Variants in SHANK2 observed in about 807,000 individuals in gnomAD.
SHANK2 encodes the protein SH3 and multiple ankyrin repeat domains 2, also known as SH3 and multiple ankyrin repeat domains protein 2.
Under a neutral mutation model 133.7 loss-of-function variants are expected in SHANK2, and 43 were observed. The ratio of observed to expected loss-of-function variants is 0.32; its 90% CI spans 0.25 to 0.41. The LOEUF (loss-of-function observed/expected upper bound fraction) is 0.41, where lower values mean the gene tolerates loss of function less well. Among genes scored for constraint, SHANK2 ranks in the 10% least tolerant of loss-of-function variants. The pLI is 1.00. For synonymous variants in SHANK2, 1,017 were observed against 952.8 expected (o/e 1.07, Z -1.24); for missense variants, 1,994 against 2,235.8 (o/e 0.89, Z 2.18).
At chr11:70,944,091 G>A (rs1950685458) in intron 10 of SHANK2, 2 of 391,230 alleles carry the variant, frequency 5.1e-6, no homozygotes, top group Admixed American at 6.3e-5. Context: ...GCAGTCGACT[G>A]CAATTCTATT....
At chr11:70,575,647 CAT>C (rs1272450388) in intron 17 of SHANK2, among the ~76,000 whole-genome samples, 7 of 150,894 alleles carry the variant, frequency 4.6e-5, no homozygotes, top group Non-Finnish European at 8.8e-5. Context: ...GGTGTTTCCA[CAT>C]GTGTTTTGCA....
intron 3 of SHANK2, among the ~76,000 whole-genome samples, chr11:71,122,821 A>G (rs1310795494): frequency 1.3e-5 from 2 of 152,152 alleles, no homozygotes; most frequent in African/African-American, 2.4e-5. Flanking sequence ...TTCCCCCTCA[A>G]GCCTCAGAAG....
chr11:70,853,924 C>T (rs1235390778), intron 11 of SHANK2, among the ~76,000 whole-genome samples: 1 of 152,166 alleles, frequency 6.6e-6, no homozygotes, highest in Non-Finnish European at 1.5e-5. Flanking sequence ...CTTATAAAGA[C>T]ATCAGCCATT....
intron 15 of SHANK2, among the ~76,000 whole-genome samples, chr11:70,683,516 C>T (rs188185050): frequency 1.1e-4 from 16 of 152,338 alleles, no homozygotes; most frequent in African/African-American, 3.6e-4. Flanking sequence ...GACACTGTAA[C>T]AAATTGCCAC....
At chr11:71,128,077 C>A (rs1415492041) in intron 3 of SHANK2, among the ~76,000 whole-genome samples, 3 of 152,226 alleles carry the variant, frequency 2.0e-5, no homozygotes, top group Admixed American at 6.5e-5. Flanking sequence ...GGTGGGAACA[C>A]AAGGAGCTGC....
At chr11:70,635,191 G>A (rs556502958) in intron 17 of SHANK2, 1 of 152,328 alleles carries the variant, frequency 6.6e-6, no homozygotes, top group African/African-American at 2.4e-5. Context: ...AGCCAGCAAT[G>A]CCACTTCTGC....
intron 2 of SHANK2, among the ~76,000 whole-genome samples, chr11:71,163,089 A>G (rs1222353361): frequency 2.5e-5 from 2 of 79,148 alleles, no homozygotes; most frequent in Non-Finnish European, 5.3e-5. Flanking sequence ...AAAAAAAAAA[A>G]AAAAATACAT....
intron 14 of SHANK2, among the ~76,000 whole-genome samples, chr11:70,797,729 G>A (rs1212823088): frequency 1.3e-5 from 2 of 152,238 alleles, no homozygotes; most frequent in East Asian, 3.9e-4. Context: ...CACTTGACAC[G>A]TGTTCTGTGA....
chr11:70,890,897 G>A (rs1285287139), intron 11 of SHANK2, among the ~76,000 whole-genome samples: 1 of 151,980 alleles, frequency 6.6e-6, no homozygotes, highest in Non-Finnish European at 1.5e-5. Context: ...CCGGGAGGCG[G>A]AGGTTGCAAT....
rs552497023 is a variant in SHANK2, at chr11:70,738,985, G to C, written c.1778-40222C>G. Among the ~76,000 whole-genome samples, 166 of 152,296 alleles carry C rather than the reference G, an allele frequency of 1.1e-3. 1 individual carries two copies. Among genetic ancestry groups the C allele is most frequent in the African/African-American group, 3.5e-3 (146 of 41,574 alleles). On this transcript the variant is annotated intron_variant, in intron 14 of 25. Coordinates refer to ENST00000601538, the MANE Select transcript of SHANK2 (RefSeq NM_012309.5). ...GTAGGGAGGGGGTCTGTGGCCCGAC[G>C]GAAGGACCTGTGGTGTTCAGACACC...
At chr11:70,897,936 A>T (rs1555075972) in intron 10 of SHANK2, among the ~76,000 whole-genome samples, 4 of 149,460 alleles carry the variant, frequency 2.7e-5, no homozygotes, top group Admixed American at 2.0e-4. Context: ...CTCATAATAT[A>T]CATATACACA....
At chr11:70,712,643 C>A (rs782430227) in intron 14 of SHANK2, among the ~76,000 whole-genome samples, 1 of 152,218 alleles carries the variant, frequency 6.6e-6, no homozygotes, top group African/African-American at 2.4e-5. Flanking sequence ...AGCCCTAGGG[C>A]GGGGCCCAGT....
In SHANK2 at chr11:70,490,509, A is replaced by C; in HGVS notation, c.2440-122T>G. 8 of 822,012 alleles carry C rather than the reference A, an allele frequency of 9.7e-6. No homozygotes were observed. The South Asian group carries it at 1.1e-4, about 11-fold the overall frequency. 50.9% of individuals were successfully genotyped at this position (822,012 alleles called of 1,614,324 possible). On this transcript the variant is annotated intron_variant, in intron 22 of 25. Transcript: ENST00000601538. ...GCTTCCCCAAGCTGCTTCTGGAGCC[A>C]CCTAAAGTCTCCAGTGGGGCTGATG...
At chr11:70,755,568 A>G (rs976549413) in intron 14 of SHANK2, among the ~76,000 whole-genome samples, 2 of 152,196 alleles carry the variant, frequency 1.3e-5, no homozygotes, top group Non-Finnish European at 2.9e-5. Flanking sequence ...CCCGGCCTGC[A>G]GTGGTGGCAG....
intron 17 of SHANK2, among the ~76,000 whole-genome samples, chr11:70,506,802 C>T (rs1565081661): frequency 2.0e-5 from 3 of 152,184 alleles, no homozygotes; most frequent in South Asian, 4.1e-4. Flanking sequence ...GCTGGGTGCC[C>T]GTGGGCAGGA....
intron 15 of SHANK2, among the ~76,000 whole-genome samples, chr11:70,666,174 G>A (rs1944674735): frequency 6.6e-6 from 1 of 152,240 alleles, no homozygotes; most frequent in Non-Finnish European, 1.5e-5. Flanking sequence ...GGTAGACTCA[G>A]TGCTGCAGAG....
At chr11:70,712,682 G>C (rs1565261766) in intron 14 of SHANK2, among the ~76,000 whole-genome samples, 1 of 152,198 alleles carries the variant, frequency 6.6e-6, no homozygotes, top group Non-Finnish European at 1.5e-5. Context: ...CAATGGGTGG[G>C]CGTGGCCCTC....
At chr11:71,137,539 G>A (rs113453882) in intron 3 of SHANK2, among the ~76,000 whole-genome samples, 4 of 152,082 alleles carry the variant, frequency 2.6e-5, no homozygotes, top group East Asian at 1.9e-4. Flanking sequence ...TTCTATCGCC[G>A]CCAGGGTGCT....
intron 13 of SHANK2, among the ~76,000 whole-genome samples, chr11:70,799,848 T>C (rs1207549481): frequency 2.0e-5 from 3 of 152,132 alleles, no homozygotes; most frequent in African/African-American, 4.8e-5. Context: ...GAATAAAGCA[T>C]GTTTGTTTTT....
Sources: allele counts gnomAD v4.1 joint callset (sites outside exome capture counted in the v4.1 genomes callset), GRCh38; gene constraint gnomAD v4.1.1; transcripts MANE v1.5; gene names NCBI Gene and HGNC (gene_info 2026-07-23, HGNC 2026-07-21).